The following TRIM31 variants were observed in gnomAD, a reference collection of about 807,000 sequenced individuals.
TRIM31 encodes the protein E3 ubiquitin-protein ligase TRIM31.
TRIM31 carries 31 observed loss-of-function variants against 40.6 expected under a neutral mutation model. That is an observed-to-expected ratio of 0.76 (90% confidence interval 0.57 to 1.03). The LOEUF (loss-of-function observed/expected upper bound fraction) is 1.03. Ranked by LOEUF, TRIM31 falls within the 50% of genes least tolerant of loss-of-function variation. TRIM31 has a pLI of 0.00. For synonymous variants in TRIM31, 164 were observed against 193.9 expected, an observed-to-expected ratio of 0.85 and a Z score of 1.28; for missense variants, 455 against 497.5, an observed-to-expected ratio of 0.91 and a Z score of 0.81.
intron 6 of TRIM31, among the ~76,000 whole-genome samples, chr6:30,105,964 G>T (rs1768640776): frequency 6.6e-6 from 1 of 152,220 alleles, no homozygotes; most frequent in South Asian, 2.1e-4. Context: ...GGCTTGAGAG[G>T]GGGAACGAAG....
chr6:30,108,770 G>A (rs1360440022), intron 5 of TRIM31: 1 of 592,324 alleles, frequency 1.7e-6, no homozygotes, highest in East Asian at 2.8e-5. Flanking sequence ...AGTTGAGCAA[G>A]GGGGCATTCA....
chr6:30,110,601 A>C lies in TRIM31; in HGVS notation c.591T>G (p.Asn197Lys), dbSNP rs1769205147. Residue 197 changes from asparagine to lysine, a missense_variant, in exon 4 of 9, where the codon AAT becomes AAG. Transcript: ENST00000376734. Reference protein sequence around the residue: ...LLHQVLEEEKNFLLSRIYWLG... With the variant: ...LLHQVLEEEKKFLLSRIYWLG... ...GCCAGTAAATCCGTGATAGCAGGAA[A>C]TTCTTCTCCTCCTCTAGGACTTGAT... 16 of 1,614,188 alleles carry C rather than the reference A, an allele frequency of 9.9e-6. No homozygotes were observed. The highest frequency in any genetic ancestry group is 1.4e-5 in the Non-Finnish European group (16 of 1,180,030).
chr6:30,108,539 A>G (rs1194344633), intron 5 of TRIM31, among the ~76,000 whole-genome samples: 2 of 144,676 alleles, frequency 1.4e-5, no homozygotes, highest in Non-Finnish European at 3.0e-5. Flanking sequence ...AGCCTGAGCA[A>G]CAAGAGCAAA....
Position 30,103,400 on chromosome 6 carries a change from A to C in TRIM31, c.*136T>G. 1 of 1,289,080 alleles carries C rather than the reference A, an allele frequency of 7.8e-7. No individual in the cohort carries two copies. Among genetic ancestry groups the C allele is most frequent in the Non-Finnish European group, 1.1e-6 (1 of 933,098 alleles). The allele number at this position is 1,289,080 out of a possible 1,614,324, so 79.9% of individuals were successfully genotyped here. A position where few individuals can be genotyped will look rare whatever the true frequency, so the allele number is the denominator to read the frequency against. ...CCCCATCTCCACTCTCAGTAGCCCGAGCCCTCCCATTCTCCACTCCTTCGA... is the reference window on the plus strand; with the variant it reads ...CCCCATCTCCACTCTCAGTAGCCCGCGCCCTCCCATTCTCCACTCCTTCGA... On this transcript the variant is annotated 3_prime_UTR_variant, in exon 9 of 9. Transcript: ENST00000376734.
At chr6:30,110,022 C>CA (rs1769129408) in intron 4 of TRIM31, among the ~76,000 whole-genome samples, 1 of 80,106 alleles carries the variant, frequency 1.2e-5, no homozygotes, top group African/African-American at 5.0e-5. Flanking sequence ...TTCAAAGACT[C>CA]AGTGTAAAAA....
intron 7 of TRIM31, among the ~76,000 whole-genome samples, chr6:30,104,742 TG>T (rs1768514639): frequency 1.3e-5 from 2 of 152,328 alleles, no homozygotes; most frequent in East Asian, 3.8e-4. Flanking sequence ...TTGTCTTAGG[TG>T]GCAGAACCAT....
In TRIM31 at chr6:30,104,307, G is replaced by A. The variant is rs564515782; in HGVS notation, c.959-140C>T. The A allele has an allele frequency of 1.7e-5, 14 of 818,630 alleles. No individual in the cohort carries two copies. The South Asian group carries it at 1.8e-4, about 10-fold the overall frequency. 50.7% of individuals were successfully genotyped at this position (818,630 alleles called of 1,614,324 possible). On this transcript the variant is annotated intron_variant, in intron 7 of 8. Coordinates refer to ENST00000376734, the MANE Select transcript of TRIM31 (RefSeq NM_007028.5). ...ACCCATTCCCCACCCAGGGGGAAGTGTGGAAACCTTTCAGGTTGTCTCAGT... is the reference window on the plus strand; with the variant it reads ...ACCCATTCCCCACCCAGGGGGAAGTATGGAAACCTTTCAGGTTGTCTCAGT...
In TRIM31 at chr6:30,112,765, A is replaced by T. The variant is rs752340890; in HGVS notation, c.41T>A (p.Val14Glu). ...GQFVNKLQEE[V>E]ICPICLDILQ... Reference sequence around the variant, plus strand: ...AATGTCCAGGCAGATGGGGCAGATCACTTCCTCTTGCAGTTTGTTCACAAA... The same window carrying T: ...AATGTCCAGGCAGATGGGGCAGATCTCTTCCTCTTGCAGTTTGTTCACAAA... The change falls in exon 2 of 9, where the codon GTG becomes GAG. Residue 14 changes from valine to glutamate, a missense_variant. Val to Glu is a moderately radical substitution (Grantham distance 121, BLOSUM62 -2). Coordinates refer to ENST00000376734, the MANE Select transcript of TRIM31 (RefSeq NM_007028.5). The T allele has an allele frequency of 1.9e-6, 3 of 1,612,344 alleles. No individual in the cohort carries two copies. The highest frequency in any genetic ancestry group is 1.7e-5 in the Admixed American group (1 of 59,896).
intron 3 of TRIM31, chr6:30,111,352 T>C (rs2523988): frequency 0.1 from 39,413 of 394,252 alleles, 2,695 homozygotes; most frequent in Non-Finnish European, 0.13. Flanking sequence ...CATTTTCTAA[T>C]TGGGGAATCC....
intron 6 of TRIM31, among the ~76,000 whole-genome samples, chr6:30,106,828 G>A (rs1443158040): frequency 2.0e-5 from 3 of 152,200 alleles, no homozygotes; most frequent in Non-Finnish European, 2.9e-5. Flanking sequence ...CGGGCTGGAC[G>A]TGGTGGCTCA....
At chr6:30,105,407 T>C (rs1768577832) in intron 6 of TRIM31, 165 bp from the exon 7 acceptor site, 2 of 589,738 alleles carry the variant, frequency 3.4e-6, no homozygotes, top group Admixed American at 3.3e-5. Flanking sequence ...CCTTGAGAGA[T>C]GCCCTTTCTG....
At position 30,103,680 on chromosome 6, in the gene TRIM31, G is replaced by C; in HGVS notation, c.1134C>G (p.Ala378=). ...GKVTFPVCLL[A]SYDEISGQGA... ...CTTGACCAGAAATCTCATCATAAGA[G>C]GCCAGGAGACATACTGGAAAAGTGA... is the stretch of plus-strand genomic sequence containing the variant. The change falls in exon 9 of 9, where the codon GCC becomes GCG. Residue 378 remains alanine (A), a synonymous_variant. Transcript: ENST00000376734. The C allele has an allele frequency of 3.1e-6, 5 of 1,613,056 alleles. No individual in the cohort carries two copies. Among genetic ancestry groups the C allele is most frequent in the Non-Finnish European group, 4.2e-6 (5 of 1,180,032 alleles).
chr6:30,112,900 G>A lies in TRIM31; in HGVS notation c.-83-12C>T, dbSNP rs1581480993. ...TGTGGATACTGTTTCTAGGAAGGGA[G>A]AAGGGAGTCAGAGAAAGTGGAGGTC... On this transcript the variant is annotated splice_polypyrimidine_tract_variant and intron_variant, in intron 1 of 8. Coordinates refer to ENST00000376734, the MANE Select transcript of TRIM31 (RefSeq NM_007028.5). 7.8e-7 allele frequency: 1 copy of A among 1,290,084 alleles called. No individual in the cohort carries two copies. Among genetic ancestry groups the A allele is most frequent in the Non-Finnish European group, 1.0e-6 (1 of 958,318 alleles). The allele number at this position is 1,290,084 out of a possible 1,614,324, so 79.9% of individuals were successfully genotyped here. A position where few individuals can be genotyped will look rare whatever the true frequency, so the allele number is the denominator to read the frequency against.
At chr6:30,111,987 G>T in intron 2 of TRIM31, 1 of 570,376 alleles carries the variant, frequency 1.8e-6, no homozygotes, top group South Asian at 2.4e-5. Flanking sequence ...ATGGTGCTTT[G>T]GAATTATCAA....
intron 4 of TRIM31, 31 bp downstream of exon 4, chr6:30,110,417 C>A (rs778379442): frequency 5.0e-6 from 8 of 1,606,890 alleles, no homozygotes; most frequent in Non-Finnish European, 6.8e-6. Context: ...GGGCTGCTAC[C>A]TCTCTGCAAT....
chr6:30,103,859 C>T, intron 8 of TRIM31, 70 bp from the exon 9 acceptor site: 1 of 1,601,156 alleles, frequency 6.2e-7, no homozygotes, highest in East Asian at 2.2e-5. Context: ...CATTGCCAGA[C>T]AGCACAGCTG....
intron 5 of TRIM31, among the ~76,000 whole-genome samples, chr6:30,108,433 C>T (rs1486780374): frequency 6.6e-6 from 1 of 151,904 alleles, no homozygotes; most frequent in Non-Finnish European, 1.5e-5. Context: ...GTGGCAAGCG[C>T]CTGTAGTCTC....
At chr6:30,106,791 C>T (rs1582489832) in intron 6 of TRIM31, among the ~76,000 whole-genome samples, 1 of 152,112 alleles carries the variant, frequency 6.6e-6, no homozygotes, top group Non-Finnish European at 1.5e-5. Context: ...CTATTCTTGA[C>T]CTGAAGAGCC....
intron 4 of TRIM31, 143 bp from the exon 5 acceptor site, chr6:30,109,191 C>T: frequency 1.3e-6 from 1 of 767,912 alleles, no homozygotes; most frequent in Middle Eastern, 3.0e-4. Flanking sequence ...TCCTCCTCCC[C>T]TCTCCCCACC....
Sources: gnomAD v4.1 joint callset for allele counts (sites outside exome capture counted in the v4.1 genomes callset) on GRCh38, gnomAD v4.1.1 for gene constraint, MANE v1.5 for transcripts, NCBI Gene and HGNC (gene_info 2026-07-23, HGNC 2026-07-21) for gene names.